The following TTC39A variants were observed in gnomAD, a reference collection of about 807,000 sequenced individuals.
The protein encoded by TTC39A is tetratricopeptide repeat protein 39A.
TTC39A carries 46 observed loss-of-function variants against 82.3 expected under a neutral mutation model. The ratio of observed to expected loss-of-function variants is 0.56; its 90% CI spans 0.44 to 0.71. The LOEUF (loss-of-function observed/expected upper bound fraction) is 0.71. TTC39A is among the 30% of genes least tolerant of loss of function. The probability of loss-of-function intolerance (pLI) is 0.00; values close to 1 mark genes in which losing one functional copy is unlikely to be tolerated. For missense variants in TTC39A, 543 were observed against 712.9 expected (o/e 0.76, Z 2.71); for synonymous variants, 254 against 275.2 (o/e 0.92, Z 0.76).
chr1:51,303,053 C>T, intron 9 of TTC39A, 31 bp downstream of exon 9: 1 of 1,553,682 alleles, frequency 6.4e-7, no homozygotes, highest in Non-Finnish European at 8.7e-7. Flanking sequence ...ACGACCAAAC[C>T]CCAGGGCCCC....
intron 12 of TTC39A, chr1:51,298,563 T>TA (rs1210059170): frequency 1.3e-5 from 2 of 152,358 alleles, no homozygotes; most frequent in Admixed American, 6.5e-5. Flanking sequence ...GGCTGTGACT[T>TA]AGAGTTGTGG....
chr1:51,291,467 G>T (rs1644214519), intron 14 of TTC39A, among the ~76,000 whole-genome samples: 1 of 150,562 alleles, frequency 6.6e-6, no homozygotes, highest in Non-Finnish European at 1.5e-5. Flanking sequence ...CTCCAGCCTG[G>T]GTGACAGAGA....
chr1:51,309,170 CTT>C, intron 6 of TTC39A, 89 bp downstream of exon 6: 1 of 1,494,364 alleles, frequency 6.7e-7, no homozygotes, highest in East Asian at 2.4e-5. Context: ...GGTTAGTACT[CTT>C]CTTCTCCCAC....
rs1644852622 is a variant in TTC39A at position 51,305,959 on chromosome 1, T to C, written c.588+18A>G. 6.2e-7 allele frequency: 1 copy of C among 1,612,046 alleles called. No individual in the cohort carries two copies. Among genetic ancestry groups the C allele is most frequent in the Non-Finnish European group, 8.5e-7 (1 of 1,178,334 alleles). On this transcript the variant is annotated intron_variant, in intron 7 of 17. Coordinates refer to ENST00000680483, the MANE Select transcript of TTC39A (RefSeq NM_001297663.2). ...GAGCTCAAGCCAGGTGCTGTGGAAA[T>C]GGAGGAGGAGCACTCACCAGGTTGA...
At chr1:51,301,174 A>G in intron 12 of TTC39A, 1 of 167,386 alleles carries the variant, frequency 6.0e-6, no homozygotes, top group Non-Finnish European at 1.3e-5. Context: ...GGCTATTTAA[A>G]TTTAACATTT....
chr1:51,314,053 TGA>T (rs1645192721), intron 2 of TTC39A, among the ~76,000 whole-genome samples: 1 of 152,286 alleles, frequency 6.6e-6, no homozygotes, highest in Admixed American at 6.5e-5. Context: ...AGCTTGTGTG[TGA>T]CTCATCTCTG....
At position 51,288,842 on chromosome 1, in the gene TTC39A, G is replaced by A; in HGVS notation, c.1607C>T (p.Ala536Val). The part of the protein sequence containing the change: ...NEEAIKLLES[A>V]KQNYKNYSME... ...ACTGAGGTTACCCAAGCCTTACTTG[G>A]CAGATTCCAAAAGTTTGATGGCCTC... Residue 536 changes from alanine (A) to valine (V), a missense_variant, in exon 17 of 18, where the codon GCC (alanine) becomes GTC (valine). Physicochemically the swap from Ala to Val is moderately conservative, Grantham distance 64 (BLOSUM62 0). Coordinates refer to ENST00000680483, the MANE Select transcript of TTC39A (RefSeq NM_001297663.2). The surrounding 1 kb of genome is among the most constrained non-coding windows in gnomAD (Gnocchi z 4.8). 3 of 1,602,574 alleles carry A rather than the reference G, an allele frequency of 1.9e-6. No homozygotes were observed. The highest frequency in any genetic ancestry group is 2.6e-6 in the Non-Finnish European group (3 of 1,174,398).
chr1:51,296,172 T>A lies in TTC39A; in HGVS notation c.1054-2A>T. 1 of 1,586,194 alleles carries A rather than the reference T, an allele frequency of 6.3e-7. No homozygotes were observed. The highest frequency in any genetic ancestry group is 8.6e-7 in the Non-Finnish European group (1 of 1,166,244). ...GGCCTTCATGTAAATGTAGGTGGCCTGTGCGAGACAGAGCAACAGCCAGGT... is the reference window on the plus strand; with the variant it reads ...GGCCTTCATGTAAATGTAGGTGGCCAGTGCGAGACAGAGCAACAGCCAGGT... On this transcript the variant is annotated splice_acceptor_variant, in intron 12 of 17. Coordinates refer to ENST00000680483, the MANE Select transcript of TTC39A (RefSeq NM_001297663.2). LOFTEE classifies it high-confidence loss of function.
chr1:51,323,646 GGT>G (rs1296186374), intron 1 of TTC39A, among the ~76,000 whole-genome samples: 3 of 152,006 alleles, frequency 2.0e-5, no homozygotes, highest in Non-Finnish European at 4.4e-5. Context: ...TCTTTCATTA[GGT>G]GTGTCTGACC....
At position 51,330,191 on chromosome 1, in the gene TTC39A, G is replaced by A. The variant is rs1645852526; in HGVS notation, c.41+246C>T. On this transcript the variant is annotated intron_variant, in intron 1 of 17. Coordinates refer to ENST00000680483, the MANE Select transcript of TTC39A (RefSeq NM_001297663.2). The surrounding 1 kb of genome is among the most constrained non-coding windows in gnomAD (Gnocchi z 4.5). ...TGAACGTGTCTGTGACTACAGCTCC[G>A]TGAGAAAGTTGGGACCCAGAAGGTG... The A allele has an allele frequency of 1.0e-6, 1 of 985,568 alleles. No homozygotes were observed. The highest frequency in any genetic ancestry group is 1.7e-5 in the African/African-American group (1 of 57,360). 61.1% of individuals were successfully genotyped at this position (985,568 alleles called of 1,614,324 possible).
chr1:51,302,869 T>A (rs117783259), intron 9 of TTC39A, among the ~76,000 whole-genome samples: 1 of 152,168 alleles, frequency 6.6e-6, no homozygotes, highest in Non-Finnish European at 1.5e-5. Flanking sequence ...ACCACCCCCA[T>A]TTCACAGATG....
chr1:51,294,318 C>A lies in TTC39A; in HGVS notation c.1266+73G>T. 3 of 1,603,200 alleles carry A rather than the reference C, an allele frequency of 1.9e-6. No individual in the cohort carries two copies. The highest frequency in any genetic ancestry group is 2.6e-6 in the Non-Finnish European group (3 of 1,172,664). Reference sequence around the variant, plus strand: ...GGTCTTTCTCCTCATCCACCTCCCCCTGGCTGTGGCTCTCAGTGAATCCCC... The same window carrying A: ...GGTCTTTCTCCTCATCCACCTCCCCATGGCTGTGGCTCTCAGTGAATCCCC... On this transcript the variant is annotated intron_variant, in intron 14 of 17. Coordinates refer to ENST00000680483, the MANE Select transcript of TTC39A (RefSeq NM_001297663.2). This position sits in a 1 kb window ranked among gnomAD's most constrained non-coding sequence, Gnocchi z 4.3.
At chr1:51,320,570 C>T (rs1201811350) in intron 2 of TTC39A, among the ~76,000 whole-genome samples, 2 of 151,706 alleles carry the variant, frequency 1.3e-5, no homozygotes, top group Non-Finnish European at 2.9e-5. Context: ...ACTATAGCTA[C>T]TATATACTAT....
chr1:51,321,780 G>A lies in TTC39A; in HGVS notation c.87C>T (p.Thr29=), dbSNP rs766745918. The A allele has an allele frequency of 4.0e-5, 65 of 1,613,698 alleles. No individual in the cohort carries two copies. The Admixed American group carries it at 5.5e-4, about 14-fold the overall frequency. ...GGTTGGTGAGGAAGAGGTCCAGGGC[G>A]GTCATGCACTGGTCCAGGGCCTCAT... ...SLHEALDQCM[T]ALDLFLTNQF... The change falls in exon 2 of 18, where the codon ACC becomes ACT. Residue 29 remains threonine (T), a synonymous_variant. Transcript: ENST00000680483. The surrounding 1 kb of genome is among the most constrained non-coding windows in gnomAD (Gnocchi z 4.6).
At position 51,306,089 on chromosome 1, in the gene TTC39A, G is replaced by A. The variant is rs766483500; in HGVS notation, c.489-13C>T. On this transcript the variant is annotated splice_polypyrimidine_tract_variant and intron_variant, in intron 6 of 17. Coordinates refer to ENST00000680483, the MANE Select transcript of TTC39A (RefSeq NM_001297663.2). ...GCTGTCCAGCTCCCTGCAGAGAGAT[G>A]CCAAGTCCTGTTTCAGCCACTGCTG... 1.2e-6 allele frequency: 2 copies of A among 1,610,546 alleles called. No individual in the cohort carries two copies. The highest frequency in any genetic ancestry group is 2.2e-5 in the East Asian group (1 of 44,806).
At chr1:51,315,861 A>G (rs570851698) in intron 2 of TTC39A, among the ~76,000 whole-genome samples, 1 of 152,294 alleles carries the variant, frequency 6.6e-6, no homozygotes, top group East Asian at 1.9e-4. Context: ...TTTTCCAGTA[A>G]GCCTTCCAGG....
chr1:51,337,778 C>T (rs1216882506), intron 1 of TTC39A, among the ~76,000 whole-genome samples: 1 of 152,108 alleles, frequency 6.6e-6, no homozygotes, highest in Non-Finnish European at 1.5e-5. Flanking sequence ...TTCTTCTGCC[C>T]TGCATTATTT....
At chr1:51,344,905 G>A in intron 1 of TTC39A, 2 of 1,475,672 alleles carry the variant, frequency 1.4e-6, no homozygotes, top group South Asian at 1.3e-5. Flanking sequence ...GTGCCTCTCA[G>A]CTGTTTCCCC....
intron 9 of TTC39A, 35 bp from the exon 10 acceptor site, chr1:51,302,608 C>T (rs1239456356): frequency 1.3e-6 from 2 of 1,573,698 alleles, no homozygotes; most frequent in South Asian, 1.2e-5. Context: ...CAGAACATGT[C>T]ACCACCCCTG....
Sources: allele counts gnomAD v4.1 joint callset (sites outside exome capture counted in the v4.1 genomes callset), GRCh38; gene constraint gnomAD v4.1.1; non-coding constraint Gnocchi (gnomAD v3.1); transcripts MANE v1.5; gene names NCBI Gene and HGNC (gene_info 2026-07-23, HGNC 2026-07-21).